The following CHKA variants were observed in gnomAD, a reference collection of about 807,000 sequenced individuals.
CHKA encodes CHETK-alpha.
A neutral mutation model predicts 60.1 loss-of-function variants in CHKA; 34 were observed. The observed-to-expected ratio is 0.57, with a 90% CI of 0.43 to 0.75. CHKA has a LOEUF of 0.75. CHKA is among the 30% of genes least tolerant of loss of function. The pLI is 0.00. For missense variants in CHKA, 563 were observed against 561.3 expected (o/e 1.00, Z -0.03); for synonymous variants, 217 against 223.1 (o/e 0.97, Z 0.24).
At chr11:68,064,216 G>A (rs781516547) in intron 10 of CHKA, among the ~76,000 whole-genome samples, 1 of 152,140 alleles carries the variant, frequency 6.6e-6, no homozygotes, top group Non-Finnish European at 1.5e-5. Context: ...AGACTAGCCT[G>A]GCCAACATGG....
chr11:68,083,260 T>C (rs1857043547), intron 2 of CHKA, among the ~76,000 whole-genome samples: 1 of 152,182 alleles, frequency 6.6e-6, no homozygotes, highest in South Asian at 2.1e-4. Context: ...CAACCAGTGA[T>C]AGCAAATTCC....
At chr11:68,095,402 CAAAAAAA>C (rs35029853) in intron 2 of CHKA, among the ~76,000 whole-genome samples, 2 of 12,484 alleles carry the variant, frequency 1.6e-4, no homozygotes, top group African/African-American at 3.4e-4. Context: ...GACTCCATCT[CAAAAAAA>C]AAAAAAAAAA....
intron 2 of CHKA, chr11:68,081,678 T>C (rs562488515): frequency 1.0e-5 from 5 of 479,858 alleles, no homozygotes; most frequent in South Asian, 5.3e-5. Flanking sequence ...AGAAAAGGGA[T>C]GTGCCGGTGA....
intron 2 of CHKA, among the ~76,000 whole-genome samples, chr11:68,093,207 C>T (rs911202631): frequency 2.0e-5 from 3 of 152,064 alleles, no homozygotes; most frequent in African/African-American, 4.8e-5. Flanking sequence ...GCCATGTTGC[C>T]CAGGCTGGTT....
intron 1 of CHKA, among the ~76,000 whole-genome samples, chr11:68,103,100 T>C (rs1023625914): frequency 6.6e-6 from 1 of 152,214 alleles, no homozygotes; most frequent in African/African-American, 2.4e-5. Context: ...TGCACCACTG[T>C]ACTCCAGCCT....
At chr11:68,081,331 A>G (rs1259871934) in intron 3 of CHKA, 73 bp downstream of exon 3, 6 of 1,246,982 alleles carry the variant, frequency 4.8e-6, no homozygotes, top group Non-Finnish European at 7.0e-6. Context: ...GGCACTGCCA[A>G]GCCCTGGAGT....
intron 1 of CHKA, among the ~76,000 whole-genome samples, chr11:68,112,237 AT>A (rs1212993793): frequency 6.6e-6 from 1 of 152,006 alleles, no homozygotes. Context: ...GACCTTAGGT[AT>A]GGTGATTGCT....
rs556344490 is a variant in CHKA, at chr11:68,116,369, A to C, written c.350+4459T>G. On this transcript the variant is annotated intron_variant, in intron 1 of 11. Coordinates refer to ENST00000265689, the MANE Select transcript of CHKA (RefSeq NM_001277.3). ...CGGATCACCTGAGCCCAGGAGTTCTATACCAGCCTGGGCACCATGGTAAAA... is the reference window on the plus strand; with the variant it reads ...CGGATCACCTGAGCCCAGGAGTTCTCTACCAGCCTGGGCACCATGGTAAAA... 1.1e-3 allele frequency among the ~76,000 whole-genome samples: 164 copies of C among 152,260 alleles called. 2 individuals are homozygous for C. Among genetic ancestry groups the C allele is most frequent in the Admixed American group, 0.011 (163 of 15,278 alleles).
chr11:68,096,346 A>G (rs1857516162), intron 2 of CHKA, among the ~76,000 whole-genome samples: 1 of 152,122 alleles, frequency 6.6e-6, no homozygotes, highest in Non-Finnish European at 1.5e-5. Flanking sequence ...GGGCAACAAG[A>G]GTGAAACTCC....
At chr11:68,097,896 C>T (rs907497795) in intron 1 of CHKA, among the ~76,000 whole-genome samples, 2 of 152,170 alleles carry the variant, frequency 1.3e-5, no homozygotes, top group African/African-American at 2.4e-5. Context: ...GCATATGGCT[C>T]GAGTCCCTGC....
chr11:68,074,022 C>G (rs1856706009), intron 4 of CHKA, among the ~76,000 whole-genome samples: 1 of 152,078 alleles, frequency 6.6e-6, no homozygotes, highest in Admixed American at 6.6e-5. Context: ...TTCATGAGAA[C>G]CTCTGGGCAT....
In CHKA at chr11:68,063,580, A is replaced by G. The variant is rs1023988997; in HGVS notation, c.1232+945T>C. Reference sequence around the variant, plus strand: ...TCTGGATGACAGTTCAGAATGCCACAAAGTGTCCTGACCCTTCTTGGACAT... The same window carrying G: ...TCTGGATGACAGTTCAGAATGCCACGAAGTGTCCTGACCCTTCTTGGACAT... On this transcript the variant is annotated intron_variant, in intron 10 of 11. Transcript: ENST00000265689. Among the ~76,000 whole-genome samples, 3 of 152,038 alleles carry G rather than the reference A, an allele frequency of 2.0e-5. No individual in the cohort carries two copies. The East Asian group carries it at 5.8e-4, about 29-fold the overall frequency.
At chr11:68,093,681 G>C (rs117976044) in intron 2 of CHKA, among the ~76,000 whole-genome samples, 10 of 152,222 alleles carry the variant, frequency 6.6e-5, no homozygotes, top group Non-Finnish European at 1.3e-4. Flanking sequence ...ATGGAAGAAA[G>C]ACTAACAATT....
chr11:68,107,528 C>T (rs1857957724), intron 1 of CHKA, among the ~76,000 whole-genome samples: 1 of 152,028 alleles, frequency 6.6e-6, no homozygotes, highest in Admixed American at 6.6e-5. Flanking sequence ...TTTCCAATGG[C>T]CTGGTCCTCT....
intron 11 of CHKA, among the ~76,000 whole-genome samples, chr11:68,056,532 C>A (rs1856021949): frequency 6.6e-6 from 1 of 152,154 alleles, no homozygotes; most frequent in South Asian, 2.1e-4. Flanking sequence ...TCATGCCTAT[C>A]CAATGACATC....
At chr11:68,056,420 A>C (rs1856017260) in intron 11 of CHKA, among the ~76,000 whole-genome samples, 1 of 152,180 alleles carries the variant, frequency 6.6e-6, no homozygotes, top group Non-Finnish European at 1.5e-5. Context: ...TGGGATAAGG[A>C]ATGCTGTACA....
chr11:68,068,855 G>A, intron 7 of CHKA, 24 bp downstream of exon 7: 1 of 1,568,118 alleles, frequency 6.4e-7, no homozygotes. Context: ...AACCTCATCT[G>A]TAACAGAACA....
At chr11:68,100,176 T>C (rs1312538188) in intron 1 of CHKA, among the ~76,000 whole-genome samples, 1 of 152,230 alleles carries the variant, frequency 6.6e-6, no homozygotes, top group Non-Finnish European at 1.5e-5. Context: ...CAATTTATCA[T>C]ATAATTTGTC....
chr11:68,112,397 A>G lies in CHKA; in HGVS notation c.350+8431T>C, dbSNP rs535485264. ...CTTAGCCTCCTGAGTAGCTGGCATT[A>G]CAGGTGCCCACGACTACACCAGACT... On this transcript the variant is annotated intron_variant, in intron 1 of 11. Coordinates refer to ENST00000265689, the MANE Select transcript of CHKA (RefSeq NM_001277.3). Among the ~76,000 whole-genome samples the G allele has an allele frequency of 2.6e-5, 4 of 152,192 alleles. No homozygotes were observed. In the East Asian group the frequency reaches 5.8e-4, roughly 22 times the overall value.
Sources: allele counts gnomAD v4.1 joint callset (sites outside exome capture counted in the v4.1 genomes callset), GRCh38; gene constraint gnomAD v4.1.1; transcripts MANE v1.5; gene names NCBI Gene and HGNC (gene_info 2026-07-23, HGNC 2026-07-21).